Variants in SLC25A48 observed in about 807,000 individuals in gnomAD.
SLC25A48 encodes the protein CTC-321K16.1.
In SLC25A48, 29 loss-of-function variants were observed where a neutral mutation model predicts 32.2. That is an observed-to-expected ratio of 0.90 (90% confidence interval 0.67 to 1.23). The LOEUF (loss-of-function observed/expected upper bound fraction) is 1.23. SLC25A48 is among the 50% of genes most tolerant of loss of function. The probability of loss-of-function intolerance (pLI) is 0.00; values close to 1 mark genes in which losing one functional copy is unlikely to be tolerated. For missense variants in SLC25A48, 399 were observed against 422.7 expected, an observed-to-expected ratio of 0.94 and a Z score of 0.49; for synonymous variants, 164 against 172.3, an observed-to-expected ratio of 0.95 and a Z score of 0.38.
intron 3 of SLC25A48, among the ~76,000 whole-genome samples, chr5:135,785,696 A>G (rs1756824471): frequency 6.8e-6 from 1 of 147,800 alleles, no homozygotes; most frequent in African/African-American, 2.5e-5. Context: ...TGCCCAGTGG[A>G]TCATAATATC....
At chr5:135,606,353 T>C (rs899538478) in intron 1 of SLC25A48, among the ~76,000 whole-genome samples, 1 of 152,234 alleles carries the variant, frequency 6.6e-6, no homozygotes, top group African/African-American at 2.4e-5. Context: ...TTTTTCAACA[T>C]TTTATTTTAA....
Position 135,723,386 on chromosome 5 carries a change from A to T in SLC25A48, c.-521+88430A>T, listed in dbSNP as rs999588779. On this transcript the variant is annotated intron_variant, in intron 3 of 10. Coordinates refer to the SLC25A48 transcript ENST00000646290. ...CACTCTCTCTCTCTCTCTCTCACACACACACACACACACACACACACACAC... is the reference window on the plus strand; with the variant it reads ...CACTCTCTCTCTCTCTCTCTCACACTCACACACACACACACACACACACAC... Among the ~76,000 whole-genome samples the T allele has an allele frequency of 2.5e-3, 199 of 80,078 alleles. 2 individuals carry two copies. Among genetic ancestry groups the T allele is most frequent in the South Asian group, 0.012 (27 of 2,162 alleles). The allele number at this position is 80,078 out of a possible 152,430, so 52.5% of individuals were successfully genotyped here.
chr5:135,750,654 C>T (rs1755748199), intron 3 of SLC25A48, among the ~76,000 whole-genome samples: 1 of 152,184 alleles, frequency 6.6e-6, no homozygotes, highest in African/African-American at 2.4e-5. Context: ...ATGCCCACAG[C>T]ACCCCCTGTA....
chr5:135,886,088 C>T (rs941704989), intron 7 of SLC25A48, among the ~76,000 whole-genome samples: 4 of 152,116 alleles, frequency 2.6e-5, no homozygotes, highest in Admixed American at 2.0e-4. Flanking sequence ...CTTTGTACAT[C>T]ACTATAATGA....
At chr5:135,654,031 A>G in intron 3 of SLC25A48, 1 of 411,058 alleles carries the variant, frequency 2.4e-6, no homozygotes. Flanking sequence ...AGTGGCAGCC[A>G]GAGAGCCACA....
chr5:135,835,308 G>A (rs1306933507), intron 1 of SLC25A48, among the ~76,000 whole-genome samples: 3 of 152,162 alleles, frequency 2.0e-5, no homozygotes, highest in South Asian at 4.1e-4. Context: ...GGCGCAGGGT[G>A]GTGGGAGCCA....
chr5:135,839,227 G>T (rs1454047606), intron 1 of SLC25A48, among the ~76,000 whole-genome samples: 3 of 152,188 alleles, frequency 2.0e-5, no homozygotes, highest in Non-Finnish European at 2.9e-5. Context: ...CATGCCAGCA[G>T]CTGGGAGGAA....
At chr5:135,883,693 G>T (rs544323653) in intron 7 of SLC25A48, among the ~76,000 whole-genome samples, 1 of 152,164 alleles carries the variant, frequency 6.6e-6, no homozygotes, top group South Asian at 2.1e-4. Flanking sequence ...CCTTCTAGGG[G>T]TTCTCCCACC....
chr5:135,746,995 T>TTC (rs1755656728), intron 3 of SLC25A48, among the ~76,000 whole-genome samples: 1 of 115,288 alleles, frequency 8.7e-6, no homozygotes. Flanking sequence ...GTATTTTTTG[T>TTC]TGTTGTTTTT....
chr5:135,695,145 CG>C (rs1754236149), intron 3 of SLC25A48, among the ~76,000 whole-genome samples: 1 of 152,034 alleles, frequency 6.6e-6, no homozygotes, highest in African/African-American at 2.4e-5. Flanking sequence ...TGGATACTTG[CG>C]GGGTGGCTGC....
At chr5:135,859,482 C>T in intron 4 of SLC25A48, among the ~76,000 whole-genome samples, 1 of 152,196 alleles carries the variant, frequency 6.6e-6, no homozygotes, top group Non-Finnish European at 1.5e-5. Context: ...GGTAGAGACA[C>T]AGCCAAATCA....
At chr5:135,619,107 C>T (rs1752260665) in intron 1 of SLC25A48, among the ~76,000 whole-genome samples, 1 of 152,020 alleles carries the variant, frequency 6.6e-6, no homozygotes, top group Admixed American at 6.5e-5. Context: ...GTTTTCTTTT[C>T]ACCTTCTGGG....
chr5:135,626,344 G>A (rs1752439967), intron 1 of SLC25A48, among the ~76,000 whole-genome samples: 1 of 152,250 alleles, frequency 6.6e-6, no homozygotes, highest in Non-Finnish European at 1.5e-5. Flanking sequence ...ATCCATGGGT[G>A]CGTGACCTCT....
intron 1 of SLC25A48, among the ~76,000 whole-genome samples, chr5:135,626,625 C>T (rs1443055543): frequency 3.3e-5 from 5 of 152,190 alleles, no homozygotes; most frequent in Non-Finnish European, 7.3e-5. Context: ...CCTAATTCCT[C>T]TTTAATGTGG....
At chr5:135,662,714 T>C (rs1290639825) in intron 3 of SLC25A48, among the ~76,000 whole-genome samples, 1 of 151,728 alleles carries the variant, frequency 6.6e-6, no homozygotes, top group Non-Finnish European at 1.5e-5. Context: ...CTCAGGTCCC[T>C]TGGGAGCAAG....
At chr5:135,768,182 C>T (rs1490391486) in intron 3 of SLC25A48, among the ~76,000 whole-genome samples, 4 of 137,808 alleles carry the variant, frequency 2.9e-5, no homozygotes, top group African/African-American at 1.1e-4. Flanking sequence ...GGAGTAATAT[C>T]GCAGTGGAGT....
intron 4 of SLC25A48, among the ~76,000 whole-genome samples, chr5:135,854,323 G>C (rs1170431094): frequency 2.6e-5 from 4 of 152,228 alleles, no homozygotes; most frequent in African/African-American, 9.6e-5. Flanking sequence ...CTCCTCTCTA[G>C]CTATGAAGTC....
intron 3 of SLC25A48, among the ~76,000 whole-genome samples, chr5:135,796,721 G>A (rs1757190420): frequency 6.6e-6 from 1 of 151,536 alleles, no homozygotes. Flanking sequence ...TGTGAAGATC[G>A]TGATATTACT....
chr5:135,874,033 G>A lies in SLC25A48; in HGVS notation c.692G>A (p.Trp231Ter). 1 of 1,532,888 alleles carries A rather than the reference G, an allele frequency of 6.5e-7. No homozygotes were observed. The highest frequency in any genetic ancestry group is 1.4e-5 in the African/African-American group (1 of 72,780). The allele number at this position is 1,532,888 out of a possible 1,614,324, so 95.0% of individuals were successfully genotyped here. ...LAGGMAGAISWGTATPMDVVK... is the reference protein window; with the variant it reads ...LAGGMAGAIS ...TTTCTCTTTGCAGGAGCAATTTCTTGGGGGACAGCGACTCCTATGGATGTC... is the reference window on the plus strand; with the variant it reads ...TTTCTCTTTGCAGGAGCAATTTCTTAGGGGACAGCGACTCCTATGGATGTC... The change falls in exon 6 of 8, where the codon TGG becomes TAG. Residue 231 changes from tryptophan to a stop codon, truncating the protein, a stop_gained. Transcript: ENST00000681962. LOFTEE classifies it high-confidence loss of function.
Sources: gnomAD v4.1 joint callset for allele counts (sites outside exome capture counted in the v4.1 genomes callset) on GRCh38, gnomAD v4.1.1 for gene constraint, MANE v1.5 for transcripts, NCBI Gene and HGNC (gene_info 2026-07-23, HGNC 2026-07-21) for gene names.